Variants in AKR1C1 observed in about 807,000 individuals in gnomAD.
AKR1C1 encodes 20 alpha-hydroxysteroid dehydrogenase.
A neutral mutation model predicts 40.6 loss-of-function variants in AKR1C1; 32 were observed. The ratio of observed to expected loss-of-function variants is 0.79; its 90% CI spans 0.60 to 1.06. The LOEUF is 1.06. Among genes scored for constraint, AKR1C1 ranks in the 50% least tolerant of loss-of-function variants. The pLI is 0.00. For missense variants in AKR1C1, 320 were observed against 363.5 expected, an observed-to-expected ratio of 0.88 and a Z score of 0.97; for synonymous variants, 105 against 134.2, an observed-to-expected ratio of 0.78 and a Z score of 1.50.
At chr10:4,969,068 T>A (rs1374574799) in intron 5 of AKR1C1, 124 bp downstream of exon 5, 2 of 1,556,186 alleles carry the variant, frequency 1.3e-6, no homozygotes, top group Non-Finnish European at 1.7e-6. Context: ...GAGCAAAGAC[T>A]CTGTCTCGAA....
In AKR1C1 at chr10:4,981,777, A is replaced by G. The variant is rs567491919; in HGVS notation, c.*4035A>G. On this transcript the variant is annotated 3_prime_UTR_variant, in exon 9 of 9. Transcript: ENST00000380872. ...CGGACAAGTGCCTTGAGCAGAATCC[A>G]CAGGGGAGAGCTGGAAGTGCATGGC... The G allele has an allele frequency of 6.6e-6, 1 of 152,328 alleles. No individual in the cohort carries two copies. The highest frequency in any genetic ancestry group is 6.5e-5 in the Admixed American group (1 of 15,292). 9.4% of individuals were successfully genotyped at this position (152,328 alleles called of 1,614,324 possible).
chr10:4,964,189 A>G (rs1836292046), intron 1 of AKR1C1, among the ~76,000 whole-genome samples: 1 of 152,208 alleles, frequency 6.6e-6, no homozygotes, highest in African/African-American at 2.4e-5. Context: ...TTAATGGAAT[A>G]GATTTTCTTT....
In AKR1C1 at chr10:4,983,057, T is replaced by C. The variant is rs1836645244; in HGVS notation, c.*5315T>C. 2.6e-6 allele frequency: 1 copy of C among 384,286 alleles called. No homozygotes were observed. The highest frequency in any genetic ancestry group is 2.1e-5 in the African/African-American group (1 of 47,448). The allele number at this position is 384,286 out of a possible 1,614,324, so 23.8% of individuals were successfully genotyped here. On this transcript the variant is annotated 3_prime_UTR_variant, in exon 9 of 9. Transcript: ENST00000380872. The stretch of plus-strand genomic sequence containing the variant: ...CTGGTATCCACTGCTGGGAGACTTG[T>C]GCTGAGGTGAAGCCTGGGCTGGATG...
chr10:4,982,115 G>T lies in AKR1C1; in HGVS notation c.*4373G>T, dbSNP rs1278737161. On this transcript the variant is annotated 3_prime_UTR_variant, in exon 9 of 9. Coordinates refer to ENST00000380872, the MANE Select transcript of AKR1C1 (RefSeq NM_001353.6). ...AAAAATACTGAGGCAGTGTGTGTATGTTATTTGTGCTGAGAATGAAACTCC... is the reference window on the plus strand; with the variant it reads ...AAAAATACTGAGGCAGTGTGTGTATTTTATTTGTGCTGAGAATGAAACTCC... The T allele has an allele frequency of 6.6e-6, 1 of 152,294 alleles. No individual in the cohort carries two copies. Among genetic ancestry groups the T allele is most frequent in the African/African-American group, 2.4e-5 (1 of 41,438 alleles). 9.4% of individuals were successfully genotyped at this position (152,294 alleles called of 1,614,324 possible).
In AKR1C1 at chr10:4,977,878, C is replaced by G. The variant is rs1173575029; in HGVS notation, c.*136C>G. The G allele has an allele frequency of 7.5e-7, 1 of 1,330,118 alleles. No homozygotes were observed. The highest frequency in any genetic ancestry group is 1.0e-6 in the Non-Finnish European group (1 of 965,952). 82.4% of individuals were successfully genotyped at this position (1,330,118 alleles called of 1,614,324 possible). ...GCTTGGTGATTTCAGCAAGCTACAG[C>G]AAAGCCCATTGGCCAGAAAGGAAAG... is the stretch of plus-strand genomic sequence containing the variant. On this transcript the variant is annotated 3_prime_UTR_variant, in exon 9 of 9. Coordinates refer to ENST00000380872, the MANE Select transcript of AKR1C1 (RefSeq NM_001353.6).
At chr10:4,968,719 C>G (rs182466855) in intron 4 of AKR1C1, 103 bp from the exon 5 acceptor site, 1 of 1,556,096 alleles carries the variant, frequency 6.4e-7, no homozygotes, top group Admixed American at 1.9e-5. Flanking sequence ...TTTTAAGAAC[C>G]ACGGCTAGCT....
Position 4,968,894 on chromosome 10 carries a change from G to C in AKR1C1, c.520G>C (p.Glu174Gln). The C allele has an allele frequency of 6.2e-7, 1 of 1,614,176 alleles. No individual in the cohort carries two copies. The highest frequency in any genetic ancestry group is 1.3e-5 in the African/African-American group (1 of 75,042). The change falls in exon 5 of 9, where the codon GAG (glutamate) becomes CAG (glutamine). Residue 174 changes from glutamate (E) to glutamine (Q), a missense_variant. This residue lies in a region of AKR1C1 where 214 missense variants were observed against 214.8 expected (regional missense o/e 1.00). Transcript: ENST00000380872. ...GVSNFNRRQL[E>Q]MILNKPGLKY... Reference sequence around the variant, plus strand: ...GTCCAACTTCAACCGCAGGCAGCTGGAGATGATCCTCAACAAGCCAGGGCT... The same window carrying C: ...GTCCAACTTCAACCGCAGGCAGCTGCAGATGATCCTCAACAAGCCAGGGCT...
chr10:4,971,668 A>G (rs7916644), intron 5 of AKR1C1, among the ~76,000 whole-genome samples: 7 of 149,574 alleles, frequency 4.7e-5, no homozygotes, highest in African/African-American at 1.7e-4. Flanking sequence ...GTAATGAAAG[A>G]CTGTGAAAAT....
At chr10:4,965,305 T>C (rs193132256) in intron 1 of AKR1C1, among the ~76,000 whole-genome samples, 43 of 152,296 alleles carry the variant, frequency 2.8e-4, no homozygotes, top group African/African-American at 1.0e-3. Flanking sequence ...GGAGTCTCGC[T>C]TTGTCGTCCA....
In AKR1C1 at chr10:4,965,975, T is replaced by C. The variant is rs140835897; in HGVS notation, c.146T>C (p.Ile49Thr). 65 of 1,614,132 alleles carry C rather than the reference T, an allele frequency of 4.0e-5. No homozygotes were observed. The African/African-American group carries it at 8.5e-4, about 21-fold the overall frequency. The part of the protein sequence containing the change: ...KLAIEAGFRH[I>T]DSAHLYNNEE... ...GCAATTGAAGCTGGCTTCCGCCATATTGATTCTGCTCATTTATACAATAAT... is the reference window on the plus strand; with the variant it reads ...GCAATTGAAGCTGGCTTCCGCCATACTGATTCTGCTCATTTATACAATAAT... The change falls in exon 2 of 9, where the codon ATT becomes ACT. Residue 49 changes from isoleucine (I) to threonine (T), a missense_variant. By Grantham distance (89) the Ile-to-Thr change is moderately conservative. Coordinates refer to ENST00000380872, the MANE Select transcript of AKR1C1 (RefSeq NM_001353.6).
intron 7 of AKR1C1, among the ~76,000 whole-genome samples, chr10:4,974,355 T>G (rs1407331870): frequency 6.6e-6 from 1 of 151,954 alleles, no homozygotes; most frequent in Non-Finnish European, 1.5e-5. Context: ...AAATGTATTC[T>G]TGAAATAACA....
intron 5 of AKR1C1, among the ~76,000 whole-genome samples, chr10:4,969,276 A>T (rs1836386320): frequency 6.6e-6 from 1 of 152,196 alleles, no homozygotes; most frequent in Non-Finnish European, 1.5e-5. Context: ...GGTGAAGGTG[A>T]TTTGGAGGGA....
intron 7 of AKR1C1, among the ~76,000 whole-genome samples, chr10:4,973,144 C>T (rs1161495152): frequency 1.4e-4 from 20 of 141,176 alleles, no homozygotes; most frequent in South Asian, 2.2e-4. Context: ...TTTATCTTTG[C>T]GAAGTGCTTG....
intron 1 of AKR1C1, 53 bp downstream of exon 1, chr10:4,963,581 A>G: frequency 6.7e-7 from 1 of 1,486,326 alleles, no homozygotes; most frequent in Non-Finnish European, 9.3e-7. Context: ...AGTAAGTGGA[A>G]GCTGACCAGG....
chr10:4,970,973 A>G (rs113545769), intron 5 of AKR1C1, among the ~76,000 whole-genome samples: 1 of 149,568 alleles, frequency 6.7e-6, no homozygotes, highest in Non-Finnish European at 1.5e-5. Flanking sequence ...AAAAAAAAAA[A>G]CTTGGTTAAG....
At chr10:4,969,809 TTTGTTTTATTTTA>T in intron 5 of AKR1C1, 2 of 1,490,442 alleles carry the variant, frequency 1.3e-6, no homozygotes, top group East Asian at 4.8e-5. Flanking sequence ...ATTACATTTT[TTTGTTTTATTTTA>T]TGTTTTAAAA....
rs1201266156 is a variant in AKR1C1, at chr10:4,979,066, G to A, written c.*1324G>A. On this transcript the variant is annotated 3_prime_UTR_variant, in exon 9 of 9. Coordinates refer to ENST00000380872, the MANE Select transcript of AKR1C1 (RefSeq NM_001353.6). Reference sequence around the variant, plus strand: ...ACTCTCCACTATTCGTACTCTGGTAGCCATGTTAACCCCATCAGAGATTCC... The same window carrying A: ...ACTCTCCACTATTCGTACTCTGGTAACCATGTTAACCCCATCAGAGATTCC... The A allele has an allele frequency of 2.6e-5, 4 of 152,176 alleles. No homozygotes were observed. The highest frequency in any genetic ancestry group is 5.9e-5 in the Non-Finnish European group (4 of 68,044). The allele number at this position is 152,176 out of a possible 1,614,324, so 9.4% of individuals were successfully genotyped here. A position where few individuals can be genotyped will look rare whatever the true frequency, so the allele number is the denominator to read the frequency against.
intron 8 of AKR1C1, among the ~76,000 whole-genome samples, chr10:4,976,720 G>GA (rs1355013556): frequency 3.3e-5 from 5 of 151,998 alleles, no homozygotes; most frequent in Admixed American, 2.0e-4. Flanking sequence ...TATAATGAGG[G>GA]AAAAAAGAAG....
chr10:4,977,327 G>A (rs1326135702), intron 8 of AKR1C1, among the ~76,000 whole-genome samples: 2 of 152,148 alleles, frequency 1.3e-5, no homozygotes, highest in Admixed American at 6.5e-5. Context: ...TATTAGTGAT[G>A]AGCATATGTC....
Sources: gnomAD v4.1 joint callset for allele counts (sites outside exome capture counted in the v4.1 genomes callset) on GRCh38, gnomAD v4.1.1 for gene constraint, gnomAD v4.1.1 regional missense constraint, MANE v1.5 for transcripts, NCBI Gene and HGNC (gene_info 2026-07-23, HGNC 2026-07-21) for gene names.